Variants in OR4E2 observed in about 807,000 individuals in gnomAD.
The protein encoded by OR4E2 is olfactory receptor 4E2.
OR4E2 carries 9 observed loss-of-function variants against 11.0 expected under a neutral mutation model. The ratio of observed to expected loss-of-function variants is 0.82; its 90% CI spans 0.49 to 1.43. OR4E2 has a LOEUF of 1.43. OR4E2 is among the 40% of genes most tolerant of loss of function. The pLI, the probability that OR4E2 is intolerant of heterozygous loss-of-function variation, is 0.00. For synonymous variants in OR4E2, 159 were observed against 147.3 expected (o/e 1.08, Z -0.57); for missense variants, 441 against 382.0 (o/e 1.15, Z -1.29).
chr14:21,665,426 T>C lies in OR4E2; in HGVS notation c.344T>C (p.Leu115Pro), dbSNP rs1880585068. Residue 115 changes from leucine to proline, a missense_variant, in exon 4 of 4, where the codon CTG becomes CCG. Physicochemically the swap from Leu to Pro is moderately conservative, Grantham distance 98. Transcript: ENST00000641524. ...HLFACAEIFLLIIMAYDRYVA... is the reference protein window; with the variant it reads ...HLFACAEIFLPIIMAYDRYVA... ...TTTGCCTGTGCCGAGATCTTTCTGC[T>C]GATCATTATGGCGTATGATCGTTAC... The C allele has an allele frequency of 6.2e-7, 1 of 1,614,004 alleles. No individual in the cohort carries two copies. The highest frequency in any genetic ancestry group is 1.3e-5 in the African/African-American group (1 of 74,936).
At chr14:21,661,995 G>T (rs1880353322) in intron 3 of OR4E2, among the ~76,000 whole-genome samples, 1 of 152,174 alleles carries the variant, frequency 6.6e-6, no homozygotes, top group Non-Finnish European at 1.5e-5. Flanking sequence ...TCTAGTAGCA[G>T]TGTTAAGAGT....
intron 2 of OR4E2, among the ~76,000 whole-genome samples, chr14:21,657,364 T>G (rs934221499): frequency 2.7e-5 from 4 of 145,950 alleles, no homozygotes; most frequent in Admixed American, 1.4e-4. Context: ...CTTCCTTCCT[T>G]CCTTCCTTCC....
intron 3 of OR4E2, among the ~76,000 whole-genome samples, 200 bp from the exon 4 acceptor site, chr14:21,664,875 G>A (rs1340045906): frequency 6.6e-6 from 1 of 152,194 alleles, no homozygotes; most frequent in Non-Finnish European, 1.5e-5. Flanking sequence ...GTGCCATAGG[G>A]TGGTTGTGTT....
At chr14:21,657,555 C>CTG (rs1382111169) in intron 2 of OR4E2, among the ~76,000 whole-genome samples, 40 of 138,348 alleles carry the variant, frequency 2.9e-4, no homozygotes, top group African/African-American at 1.0e-3. Flanking sequence ...TTCTGTCTGT[C>CTG]TCTCTCTCTC....
rs753606227 is a variant in OR4E2, at chr14:21,665,392, C to T, written c.310C>T (p.Leu104=). The change falls in exon 4 of 4, where the codon CTA becomes TTA. Residue 104 remains leucine (L), a synonymous_variant. Coordinates refer to ENST00000641524, the MANE Select transcript of OR4E2 (RefSeq NM_001001912.3). ...CAACTGCATCACACAGCTCTTCTTC[C>T]TACATCTCTTTGCCTGTGCCGAGAT... ...FDNCITQLFF[L]HLFACAEIFL... 6.8e-6 allele frequency: 11 copies of T among 1,613,970 alleles called. No individual in the cohort carries two copies. The highest frequency in any genetic ancestry group is 1.6e-4 in the Middle Eastern group (1 of 6,084).
chr14:21,664,936 C>T, intron 3 of OR4E2, 139 bp from the exon 4 acceptor site: 1 of 606,836 alleles, frequency 1.6e-6, no homozygotes, highest in Non-Finnish European at 2.9e-6. Context: ...TATACTGTAA[C>T]AACTACTGTT....
intron 2 of OR4E2, among the ~76,000 whole-genome samples, chr14:21,658,231 A>G (rs1004595936): frequency 4.6e-5 from 7 of 152,180 alleles, no homozygotes; most frequent in African/African-American, 1.7e-4. Flanking sequence ...TCTGAAGCTT[A>G]CCTGCATCCC....
Position 21,666,168 on chromosome 14 carries a change from C to G in OR4E2, c.*144C>G, listed in dbSNP as rs1880639268. The G allele has an allele frequency of 3.4e-6, 2 of 595,616 alleles. No individual in the cohort carries two copies. 36.9% of individuals were successfully genotyped at this position (595,616 alleles called of 1,614,324 possible). On this transcript the variant is annotated 3_prime_UTR_variant, in exon 4 of 4. Coordinates refer to ENST00000641524, the MANE Select transcript of OR4E2 (RefSeq NM_001001912.3). The stretch of plus-strand genomic sequence containing the variant: ...GATTTCTGCTCATTAAAGATAAGAA[C>G]TTATTCTGTTCATTAAAGATAAGAA...
intron 2 of OR4E2, among the ~76,000 whole-genome samples, chr14:21,657,873 G>A (rs983041161): frequency 6.6e-6 from 1 of 152,128 alleles, no homozygotes; most frequent in African/African-American, 2.4e-5. Context: ...ACAGGCATAA[G>A]CCACTGCACC....
chr14:21,655,443 T>G (rs1198797945), intron 1 of OR4E2, among the ~76,000 whole-genome samples: 2 of 152,164 alleles, frequency 1.3e-5, no homozygotes, highest in Non-Finnish European at 2.9e-5. Flanking sequence ...AGTGGGAGGA[T>G]AGCTTGACAC....
rs1033493255 is a variant in OR4E2, at chr14:21,667,473, A to G, written c.*1449A>G. ...ATTAAACTGAGAGATGCTCATGAAA[A>G]TATCTAAATATCATTACTTCAAGTT... On this transcript the variant is annotated 3_prime_UTR_variant, in exon 4 of 4. Transcript: ENST00000641524. 1 of 152,230 alleles carries G rather than the reference A, an allele frequency of 6.6e-6. No individual in the cohort carries two copies. Among genetic ancestry groups the G allele is most frequent in the Non-Finnish European group, 1.5e-5 (1 of 68,034 alleles). The allele number at this position is 152,230 out of a possible 1,614,324, so 9.4% of individuals were successfully genotyped here.
At chr14:21,660,866 A>G (rs1279705941) in intron 3 of OR4E2, 120 bp downstream of exon 3, 1 of 152,184 alleles carries the variant, frequency 6.6e-6, no homozygotes, top group African/African-American at 2.4e-5. Flanking sequence ...AATGGCCACA[A>G]AGGATGGACT....
chr14:21,659,886 T>C (rs558792835), intron 2 of OR4E2, among the ~76,000 whole-genome samples: 4 of 151,858 alleles, frequency 2.6e-5, no homozygotes, highest in African/African-American at 9.7e-5. Context: ...TATTAGAAGG[T>C]GATCAGTGCT....
rs1879963345 is a variant in OR4E2 at position 21,656,564 on chromosome 14, C to T, written c.-128C>T. Reference sequence around the variant, plus strand: ...GTAACTTTATAACAATTAGCTAAAGCATCCCTGCACAACTGGAGAAAACTG... The same window carrying T: ...GTAACTTTATAACAATTAGCTAAAGTATCCCTGCACAACTGGAGAAAACTG... On this transcript the variant is annotated 5_prime_UTR_variant, in exon 2 of 4. Transcript: ENST00000641524. The T allele has an allele frequency of 6.6e-6, 1 of 152,150 alleles. No homozygotes were observed. The highest frequency in any genetic ancestry group is 6.5e-5 in the Admixed American group (1 of 15,292). The allele number at this position is 152,150 out of a possible 1,614,324, so 9.4% of individuals were successfully genotyped here.
rs1208551024 is a variant in OR4E2, at chr14:21,667,557, T to G, written c.*1533T>G. 1.3e-5 allele frequency: 2 copies of G among 152,184 alleles called. No homozygotes were observed. The highest frequency in any genetic ancestry group is 4.8e-5 in the African/African-American group (2 of 41,456). 9.4% of individuals were successfully genotyped at this position (152,184 alleles called of 1,614,324 possible). A position where few individuals can be genotyped will look rare whatever the true frequency, so the allele number is the denominator to read the frequency against. On this transcript the variant is annotated 3_prime_UTR_variant, in exon 4 of 4. Coordinates refer to ENST00000641524, the MANE Select transcript of OR4E2 (RefSeq NM_001001912.3). ...TAATTCTCATATAAAACTTGAGTCA[T>G]AGTAAGAGTTTTAGATATCTATGAT...
chr14:21,660,962 T>C lies in OR4E2; in HGVS notation c.-9+216T>C, dbSNP rs917696354. Reference sequence around the variant, plus strand: ...ATAATACTGAGTGAAAAATAGAATATAAAATTATATGTTTATAATACAATT... The same window carrying C: ...ATAATACTGAGTGAAAAATAGAATACAAAATTATATGTTTATAATACAATT... On this transcript the variant is annotated intron_variant, in intron 3 of 3. Coordinates refer to ENST00000641524, the MANE Select transcript of OR4E2 (RefSeq NM_001001912.3). Among the ~76,000 whole-genome samples, 6 of 152,162 alleles carry C rather than the reference T, an allele frequency of 3.9e-5. 1 individual carries two copies. Among genetic ancestry groups the C allele is most frequent in the Non-Finnish European group, 8.8e-5 (6 of 68,032 alleles).
rs909790895 is a variant in OR4E2 at position 21,656,594 on chromosome 14, G to A, written c.-103+5G>A. ...CTGCACAACTGGAGAAAACTGGTAA[G>A]TTTTACCACTACCTGCGCTGCTTGT... On this transcript the variant is annotated splice_donor_5th_base_variant and intron_variant, in intron 2 of 3. Coordinates refer to ENST00000641524, the MANE Select transcript of OR4E2 (RefSeq NM_001001912.3). 2.6e-5 allele frequency: 4 copies of A among 152,142 alleles called. No individual in the cohort carries two copies. The highest frequency in any genetic ancestry group is 7.2e-5 in the African/African-American group (3 of 41,424). The allele number at this position is 152,142 out of a possible 1,614,324, so 9.4% of individuals were successfully genotyped here.
At chr14:21,657,388 TTC>T (rs1880020862) in intron 2 of OR4E2, among the ~76,000 whole-genome samples, 1 of 128,508 alleles carries the variant, frequency 7.8e-6, no homozygotes, top group Non-Finnish European at 1.7e-5. Flanking sequence ...CTTCCTTCCT[TTC>T]TTTCTTCCTT....
At chr14:21,662,621 T>C (rs1235524737) in intron 3 of OR4E2, among the ~76,000 whole-genome samples, 1 of 152,134 alleles carries the variant, frequency 6.6e-6, no homozygotes, top group East Asian at 1.9e-4. Context: ...TTTTAAATTA[T>C]TGAGAAAGTT....
Sources: gnomAD v4.1 joint callset for allele counts (sites outside exome capture counted in the v4.1 genomes callset) on GRCh38, gnomAD v4.1.1 for gene constraint, MANE v1.5 for transcripts, NCBI Gene and HGNC (gene_info 2026-07-23, HGNC 2026-07-21) for gene names.